The following AIMP2 variants were observed in gnomAD, a reference collection of about 807,000 sequenced individuals.
AIMP2 encodes the protein aminoacyl tRNA synthetase complex interacting multifunctional protein 2.
Under a neutral mutation model 23.4 loss-of-function variants are expected in AIMP2, and 20 were observed. That is an observed-to-expected ratio of 0.85 (90% CI 0.60 to 1.24). AIMP2 has a LOEUF of 1.24. Ranked by LOEUF, AIMP2 falls within the 50% of genes most tolerant of loss-of-function variation. AIMP2 has a pLI of 0.00. For missense variants in AIMP2, 515 were observed against 414.5 expected (o/e 1.24, Z -2.10); for synonymous variants, 210 against 170.4 (o/e 1.23, Z -1.81).
At chr7:6,015,687 A>G (rs148114928) in intron 2 of AIMP2, among the ~76,000 whole-genome samples, 3,595 of 152,322 alleles carry the variant, frequency 0.024, 127 homozygotes, top group African/African-American at 0.08. Flanking sequence ...TCGCGCCACT[A>G]CACTCCAGCC....
intron 3 of AIMP2, among the ~76,000 whole-genome samples, chr7:6,019,329 A>G (rs1215702068): frequency 1.3e-5 from 2 of 151,380 alleles, no homozygotes; most frequent in Non-Finnish European, 2.9e-5. Context: ...AAATACAAAA[A>G]AAAAAATTAG....
At position 6,015,284 on chromosome 7, in the gene AIMP2, A is replaced by G; in HGVS notation, c.274A>G (p.Ile92Val). 6.2e-7 allele frequency: 1 copy of G among 1,614,238 alleles called. No individual in the cohort carries two copies. Among genetic ancestry groups the G allele is most frequent in the Non-Finnish European group, 8.5e-7 (1 of 1,180,044 alleles). Residue 92 changes from isoleucine to valine, a missense_variant, in exon 2 of 4, where the codon ATA becomes GTA. Physicochemically the swap from Ile to Val is conservative, Grantham distance 29. Coordinates refer to ENST00000223029, the MANE Select transcript of AIMP2 (RefSeq NM_006303.4). ...AGATGCAGACTTGGATGTAACCAAC[A>G]TAATCCAAGCGGATGAGCCCACGAC... Reference protein sequence around the residue: ...TPDADLDVTNIIQADEPTTLT... With the variant: ...TPDADLDVTNVIQADEPTTLT...
intron 1 of AIMP2, chr7:6,014,922 G>C: frequency 1.2e-6 from 1 of 862,508 alleles, no homozygotes; most frequent in Admixed American, 3.4e-5. Flanking sequence ...GTTTCACCAT[G>C]TTGGCCAGGC....
At position 6,009,472 on chromosome 7, in the gene AIMP2, C is replaced by A. The variant is rs6977072; in HGVS notation, c.109C>A (p.Pro37Thr). ...LPNVHGRSYG[P>T]APGAGHVQEE... ...CAACGTGCACGGCAGGAGCTACGGC[C>A]CAGCGCCGGGCGCTGGCCACGTGCA... The change falls in exon 1 of 4, where the codon CCA becomes ACA. Residue 37 changes from proline to threonine, a missense_variant. Coordinates refer to ENST00000223029, the MANE Select transcript of AIMP2 (RefSeq NM_006303.4). The A allele has an allele frequency of 1.8e-4, 292 of 1,589,708 alleles. No individual in the cohort carries two copies. The highest frequency in any genetic ancestry group is 2.4e-4 in the Non-Finnish European group (279 of 1,171,452).
Position 6,009,502 on chromosome 7 carries a change from G to T in AIMP2, c.135+4G>T, listed in dbSNP as rs773910625. 3 of 1,520,162 alleles carry T rather than the reference G, an allele frequency of 2.0e-6. No individual in the cohort carries two copies. The highest frequency in any genetic ancestry group is 2.5e-5 in the South Asian group (2 of 78,820). The allele number at this position is 1,520,162 out of a possible 1,614,324, so 94.2% of individuals were successfully genotyped here. On this transcript the variant is annotated splice_donor_region_variant and intron_variant, in intron 1 of 3. Transcript: ENST00000223029. Reference sequence around the variant, plus strand: ...GCCGGGCGCTGGCCACGTGCAGGTAGGAGCGCGGGGCCCCCCGCCCAGTGC... The same window carrying T: ...GCCGGGCGCTGGCCACGTGCAGGTATGAGCGCGGGGCCCCCCGCCCAGTGC...
intron 3 of AIMP2, among the ~76,000 whole-genome samples, chr7:6,020,085 A>G (rs1267175757): frequency 1.3e-5 from 2 of 151,938 alleles, no homozygotes; most frequent in Non-Finnish European, 2.9e-5. Flanking sequence ...AGGTGCAAAA[A>G]CCTTGCACTT....
chr7:6,010,324 C>T (rs1786559002), intron 1 of AIMP2, among the ~76,000 whole-genome samples: 1 of 152,052 alleles, frequency 6.6e-6, no homozygotes, highest in Non-Finnish European at 1.5e-5. Flanking sequence ...CCACTCCATT[C>T]TTTCCACTTA....
chr7:6,016,675 C>T (rs1787048964), intron 2 of AIMP2, among the ~76,000 whole-genome samples: 1 of 152,116 alleles, frequency 6.6e-6, no homozygotes, highest in Non-Finnish European at 1.5e-5. Flanking sequence ...TTTGATACCT[C>T]AGAAGACCCA....
intron 1 of AIMP2, 164 bp from the exon 2 acceptor site, chr7:6,014,979 CGAA>C: frequency 7.0e-7 from 1 of 1,432,204 alleles, no homozygotes; most frequent in Non-Finnish European, 9.2e-7. Flanking sequence ...CTGGACCTCC[CGAA>C]GTGCTGGGAT....
In AIMP2 at chr7:6,023,630, G is replaced by A. The variant is rs1787630267; in HGVS notation, c.902G>A (p.Arg301Lys). The A allele has an allele frequency of 1.2e-6, 2 of 1,614,008 alleles. No homozygotes were observed. The highest frequency in any genetic ancestry group is 3.3e-5 in the Admixed American group (2 of 59,986). ...CSVTVPANVQ[R>K]WMRSCENLAP... ...GTGACAGTGCCAGCCAATGTGCAGAGGTGGATGAGGTCTTGTGAAAACCTG... is the reference window on the plus strand; with the variant it reads ...GTGACAGTGCCAGCCAATGTGCAGAAGTGGATGAGGTCTTGTGAAAACCTG... Residue 301 changes from arginine to lysine, a missense_variant, in exon 4 of 4, where the codon AGG becomes AAG. Physicochemically the swap from Arg to Lys is conservative, Grantham distance 26 (BLOSUM62 2). Coordinates refer to ENST00000223029, the MANE Select transcript of AIMP2 (RefSeq NM_006303.4).
chr7:6,009,974 A>AAAAATATAC, intron 1 of AIMP2, among the ~76,000 whole-genome samples: 1 of 26,674 alleles, frequency 3.7e-5, no homozygotes, highest in African/African-American at 1.4e-4. Context: ...AAAAAAAAAA[A>AAAAATATAC]ATATATATAT....
intron 1 of AIMP2, 75 bp downstream of exon 1, chr7:6,009,573 G>GCGAGCGCGTCC: frequency 1.5e-6 from 2 of 1,324,662 alleles, no homozygotes; most frequent in Non-Finnish European, 9.7e-7. Context: ...CCAGGCCGGA[G>GCGAGCGCGTCC]CGAGCGCGTC....
At chr7:6,010,199 C>T (rs1786542743) in intron 1 of AIMP2, among the ~76,000 whole-genome samples, 1 of 150,818 alleles carries the variant, frequency 6.6e-6, no homozygotes, top group Non-Finnish European at 1.5e-5. Flanking sequence ...GTTGCTTAAA[C>T]ATTTTGGTTC....
rs760568809 is a variant in AIMP2, at chr7:6,023,396, A to G, written c.668A>G (p.Gln223Arg). 5 of 1,614,226 alleles carry G rather than the reference A, an allele frequency of 3.1e-6. No individual in the cohort carries two copies. Among genetic ancestry groups the G allele is most frequent in the Non-Finnish European group, 4.2e-6 (5 of 1,180,036 alleles). Reference sequence around the variant, plus strand: ...CGTTTCTTGTTCTCTCTGTTTGGCCAGAAGCATAATGCTGTCAACGCAACC... The same window carrying G: ...CGTTTCTTGTTCTCTCTGTTTGGCCGGAAGCATAATGCTGTCAACGCAACC... ...IARFLFSLFG[Q>R]KHNAVNATLI... Residue 223 changes from glutamine (Q) to arginine (R), a missense_variant, in exon 4 of 4, where the codon CAG becomes CGG. Physicochemically the swap from Gln to Arg is conservative, Grantham distance 43. Transcript: ENST00000223029.
intron 3 of AIMP2, 97 bp downstream of exon 3, chr7:6,018,142 T>TTTTC: frequency 1.1e-6 from 1 of 908,530 alleles, no homozygotes; most frequent in Non-Finnish European, 1.6e-6. Context: ...ATTTTTTTCT[T>TTTTC]TTTCTTTTTT....
rs1786388021 is a variant in AIMP2, at chr7:6,009,557, G to GT, written c.135+60dup. The stretch of plus-strand genomic sequence containing the variant: ...GCGCGGCGACCGGCTGCTGGCCCGG[G>GT]TCCCCCCAGGCCGGAGCGAGCGCGT... On this transcript the variant is annotated intron_variant, in intron 1 of 3. Transcript: ENST00000223029. 3.6e-6 allele frequency: 5 copies of GT among 1,374,556 alleles called. No homozygotes were observed. In the South Asian group the frequency reaches 5.1e-5, roughly 14 times the overall value. The allele number at this position is 1,374,556 out of a possible 1,614,324, so 85.1% of individuals were successfully genotyped here. A position where few individuals can be genotyped will look rare whatever the true frequency, so the allele number is the denominator to read the frequency against.
In AIMP2 at chr7:6,019,775, GAA is replaced by G. The variant is rs1562730492; in HGVS notation, c.574+1731_574+1732del. ...ACAGTGGCTCACGCCTGTAATCCCA[GAA>G]CTTTGGGAGAACGAGGAGGGCAGAT... is the stretch of plus-strand genomic sequence containing the variant. On this transcript the variant is annotated intron_variant, in intron 3 of 3. Transcript: ENST00000223029. Among the ~76,000 whole-genome samples, 7 of 152,108 alleles carry G rather than the reference GAA, an allele frequency of 4.6e-5. No homozygotes were observed. In the East Asian group the frequency reaches 1.4e-3, roughly 30 times the overall value.
intron 2 of AIMP2, among the ~76,000 whole-genome samples, chr7:6,015,585 G>A (rs1425889798): frequency 1.3e-5 from 2 of 152,178 alleles, no homozygotes; most frequent in Non-Finnish European, 2.9e-5. Context: ...TTCGCCGGGC[G>A]TGGTGGCGGG....
At chr7:6,013,048 C>A in intron 1 of AIMP2, 1 of 846,132 alleles carries the variant, frequency 1.2e-6, no homozygotes, top group Non-Finnish European at 1.4e-6. Context: ...GGGAACAGCA[C>A]ATGTGAAGAT....
Sources: gnomAD v4.1 joint callset for allele counts (sites outside exome capture counted in the v4.1 genomes callset) on GRCh38, gnomAD v4.1.1 for gene constraint, MANE v1.5 for transcripts, NCBI Gene and HGNC (gene_info 2026-07-23, HGNC 2026-07-21) for gene names.